The following ITPR2 variants were observed in gnomAD, a reference collection of about 807,000 sequenced individuals.
ITPR2 encodes the protein inositol 1,4,5-trisphosphate-gated calcium channel ITPR2.
In ITPR2, 207 loss-of-function variants were observed where a neutral mutation model predicts 317.1. The ratio of observed to expected loss-of-function variants is 0.65; its 90% CI spans 0.58 to 0.73. The LOEUF (loss-of-function observed/expected upper bound fraction) is 0.73, where lower values mean the gene tolerates loss of function less well. Among genes scored for constraint, ITPR2 ranks in the 30% least tolerant of loss-of-function variants. The pLI is 0.00. For synonymous variants in ITPR2, 1,156 were observed against 1,149.1 expected (o/e 1.01, Z -0.12); for missense variants, 2,613 against 3,284.0 (o/e 0.80, Z 4.99).
intron 26 of ITPR2, among the ~76,000 whole-genome samples, chr12:26,618,049 T>A (rs1946410327): frequency 1.3e-5 from 2 of 152,118 alleles, no homozygotes; most frequent in Non-Finnish European, 2.9e-5. Flanking sequence ...TTAAAGTCAA[T>A]AACCATTTGT....
At chr12:26,512,824 T>A (rs537840202) in intron 37 of ITPR2, among the ~76,000 whole-genome samples, 1 of 146,806 alleles carries the variant, frequency 6.8e-6, no homozygotes, top group Non-Finnish European at 1.5e-5. Flanking sequence ...GGAAACAATT[T>A]TTTTTTTTTT....
chr12:26,539,392 A>C (rs892807640), intron 37 of ITPR2, among the ~76,000 whole-genome samples: 11 of 151,860 alleles, frequency 7.2e-5, no homozygotes, highest in African/African-American at 1.5e-4. Flanking sequence ...AAATGCTGCC[A>C]TGTTCTCCTG....
intron 9 of ITPR2, 86 bp downstream of exon 9, chr12:26,711,087 A>T (rs1948635227): frequency 2.5e-6 from 2 of 815,600 alleles, no homozygotes; most frequent in African/African-American, 3.4e-5. Flanking sequence ...CTGTTCCTGC[A>T]AATACGATGT....
At chr12:26,453,481 A>G (rs1306857852) in intron 45 of ITPR2, among the ~76,000 whole-genome samples, 1 of 152,242 alleles carries the variant, frequency 6.6e-6, no homozygotes, top group East Asian at 1.9e-4. Flanking sequence ...TAAAACACAG[A>G]TAGACATTAA....
intron 55 of ITPR2, among the ~76,000 whole-genome samples, chr12:26,353,671 A>G (rs903136201): frequency 1.3e-5 from 2 of 152,196 alleles, no homozygotes; most frequent in Non-Finnish European, 1.5e-5. Flanking sequence ...CAACTCAATA[A>G]ATTTCTTCCT....
intron 2 of ITPR2, among the ~76,000 whole-genome samples, chr12:26,737,168 G>A (rs868481855): frequency 1.3e-5 from 2 of 152,066 alleles, no homozygotes; most frequent in Non-Finnish European, 2.9e-5. Context: ...TTGAGGCAGA[G>A]GCAGATGCAG....
At chr12:26,575,451 G>A (rs1010395640) in intron 34 of ITPR2, among the ~76,000 whole-genome samples, 1 of 151,838 alleles carries the variant, frequency 6.6e-6, no homozygotes, top group Non-Finnish European at 1.5e-5. Context: ...AAGGAGAGTG[G>A]GGACAGAATT....
chr12:26,727,038 C>T (rs1207276596), intron 2 of ITPR2, among the ~76,000 whole-genome samples: 1 of 152,146 alleles, frequency 6.6e-6, no homozygotes, highest in Non-Finnish European at 1.5e-5. Flanking sequence ...CAGATACCTT[C>T]AAACTGCTAA....
chr12:26,720,898 C>A (rs116120874), intron 5 of ITPR2, among the ~76,000 whole-genome samples: 1 of 152,106 alleles, frequency 6.6e-6, no homozygotes, highest in African/African-American at 2.4e-5. Context: ...ATATAATCCA[C>A]GGCTAATTTA....
At chr12:26,618,953 A>G (rs1946433302) in intron 26 of ITPR2, among the ~76,000 whole-genome samples, 1 of 152,240 alleles carries the variant, frequency 6.6e-6, no homozygotes, top group Admixed American at 6.5e-5. Context: ...CTACTAAGCA[A>G]GGAAAATGTT....
chr12:26,574,231 C>A (rs1009721346), intron 34 of ITPR2, among the ~76,000 whole-genome samples: 11 of 147,098 alleles, frequency 7.5e-5, no homozygotes, highest in South Asian at 2.1e-4. Context: ...AAAAAAAAAA[C>A]AGCCTATTCT....
chr12:26,548,686 T>C (rs192511158), intron 37 of ITPR2, among the ~76,000 whole-genome samples: 2 of 152,252 alleles, frequency 1.3e-5, no homozygotes, highest in South Asian at 2.1e-4. Context: ...ACATCTTGCA[T>C]AAATGGGGAC....
chr12:26,798,424 AC>A (rs1950493502), intron 1 of ITPR2, among the ~76,000 whole-genome samples: 1 of 152,142 alleles, frequency 6.6e-6, no homozygotes, highest in Non-Finnish European at 1.5e-5. Context: ...TAATTTATAC[AC>A]TGTAGTTTGA....
chr12:26,623,591 G>A (rs1399973265), intron 24 of ITPR2, among the ~76,000 whole-genome samples: 1 of 152,178 alleles, frequency 6.6e-6, no homozygotes, highest in African/African-American at 2.4e-5. Context: ...ACTAGCTGTG[G>A]TTTCAGGCAT....
At chr12:26,477,180 T>A (rs1056745397) in intron 43 of ITPR2, among the ~76,000 whole-genome samples, 173 bp from the exon 44 acceptor site, 10 of 152,218 alleles carry the variant, frequency 6.6e-5, no homozygotes, top group Non-Finnish European at 1.2e-4. Flanking sequence ...TACTCCATTG[T>A]CAACACAAAA....
rs1478843439 is a variant in ITPR2 at position 26,695,992 on chromosome 12, C to A, written c.952-342G>T. On this transcript the variant is annotated intron_variant, in intron 9 of 56. Coordinates refer to ENST00000381340, the MANE Select transcript of ITPR2 (RefSeq NM_002223.4). ...AACTGCCATTTACCAATAACTCAGA[C>A]ACAAATTAAACAAAAAAAACCAGTG... Among the ~76,000 whole-genome samples the A allele has an allele frequency of 2.1e-5, 3 of 145,506 alleles. No homozygotes were observed. The East Asian group carries it at 7.6e-4, about 37-fold the overall frequency.
intron 8 of ITPR2, among the ~76,000 whole-genome samples, chr12:26,712,587 G>T (rs1948666117): frequency 6.6e-6 from 1 of 150,990 alleles, no homozygotes; most frequent in African/African-American, 2.4e-5. Context: ...TTTGAGGGAG[G>T]CAGAGATATC....
At chr12:26,811,992 T>C (rs1050109529) in intron 1 of ITPR2, among the ~76,000 whole-genome samples, 2 of 149,916 alleles carry the variant, frequency 1.3e-5, no homozygotes, top group Non-Finnish European at 3.0e-5. Flanking sequence ...CGAATCCCCA[T>C]CTCTACTAAA....
intron 2 of ITPR2, among the ~76,000 whole-genome samples, chr12:26,785,445 T>A (rs1317140333): frequency 7.8e-5 from 2 of 25,608 alleles, no homozygotes; most frequent in African/African-American, 1.1e-4. Flanking sequence ...GTCAGCCCCC[T>A]GCCCGGCCGG....
Sources: allele counts gnomAD v4.1 joint callset (sites outside exome capture counted in the v4.1 genomes callset), GRCh38; gene constraint gnomAD v4.1.1; transcripts MANE v1.5; gene names NCBI Gene and HGNC (gene_info 2026-07-23, HGNC 2026-07-21).